DMD: variants seen among roughly 807,000 people sequenced by gnomAD.
DMD encodes the protein dystrophin.
DMD carries 63 observed loss-of-function variants against 330.1 expected under a neutral mutation model. The observed-to-expected ratio is 0.19, with a 90% confidence interval of 0.16 to 0.24. The LOEUF (loss-of-function observed/expected upper bound fraction) is 0.24, where lower values mean the gene tolerates loss of function less well. Ranked by LOEUF, DMD falls within the 10% of genes least tolerant of loss-of-function variation. The probability of loss-of-function intolerance (pLI) is 1.00; values close to 1 mark genes in which losing one functional copy is unlikely to be tolerated. For missense variants in DMD, 3,344 were observed against 2,684.1 expected, an observed-to-expected ratio of 1.25 and a Z score of -5.43; for synonymous variants, 1,223 against 959.8, an observed-to-expected ratio of 1.27 and a Z score of -5.07.
chrX:31,530,687 T>A (rs1465655767), intron 55 of DMD, among the ~76,000 whole-genome samples: 9 of 83,361 alleles, frequency 1.1e-4, no homozygotes, highest in East Asian at 7.8e-4. Flanking sequence ...TTTTTTTTTT[T>A]ATTATACTCT....
At chrX:33,162,756 T>C (rs1004514032) in intron 1 of DMD, among the ~76,000 whole-genome samples, 2 of 109,888 alleles carry the variant, frequency 1.8e-5, no homozygotes, top group African/African-American at 6.7e-5. Flanking sequence ...GTTTTTATGC[T>C]GTTTTTTTTT....
intron 44 of DMD, among the ~76,000 whole-genome samples, chrX:32,142,627 A>G (rs1279568709): frequency 2.7e-5 from 3 of 112,509 alleles, no homozygotes; most frequent in African/African-American, 9.7e-5. Context: ...AAATATCTGT[A>G]CAGTCTTTGA....
intron 7 of DMD, among the ~76,000 whole-genome samples, chrX:32,748,124 C>T (rs930626895): frequency 1.1e-4 from 12 of 110,099 alleles, no homozygotes; most frequent in Admixed American, 4.9e-4. Context: ...AGGCAGATCA[C>T]CTGAGGACAG....
At chrX:32,727,103 G>T (rs1172257360) in intron 7 of DMD, among the ~76,000 whole-genome samples, 2 of 110,830 alleles carry the variant, frequency 1.8e-5, no homozygotes, top group Non-Finnish European at 3.8e-5. Context: ...CAAATTTTAG[G>T]CATGATATCA....
At position 32,762,571 on chromosome X, in the gene DMD, T is replaced by A. The variant is rs957884385; in HGVS notation, c.649+46922A>T. ...GGAGGGCTCATCAGGAGAGCTCTTT[T>A]ACATATGGTAGACTGCAAAGGATTC... On this transcript the variant is annotated intron_variant, in intron 7 of 78. Coordinates refer to ENST00000357033, the MANE Select transcript of DMD (RefSeq NM_004006.3). Among the ~76,000 whole-genome samples the A allele has an allele frequency of 2.7e-5, 3 of 111,697 alleles. No homozygotes were observed. The South Asian group carries it at 1.1e-3, about 42-fold the overall frequency.
chrX:31,729,867 T>C (rs1248856692), intron 51 of DMD, 119 bp from the exon 52 acceptor site: 2 of 584,402 alleles, frequency 3.4e-6, no homozygotes, highest in Non-Finnish European at 5.9e-6. Flanking sequence ...ATAAAAAAGA[T>C]GTTACTGTAT....
At chrX:33,236,184 G>T (rs1013976653) in intron 1 of DMD, among the ~76,000 whole-genome samples, 8 of 108,710 alleles carry the variant, frequency 7.4e-5, no homozygotes, top group Non-Finnish European at 1.5e-4. Context: ...CCAAAGTGCT[G>T]GGATTACAGG....
chrX:32,406,553 G>A (rs192650849), intron 30 of DMD, among the ~76,000 whole-genome samples: 112 of 110,968 alleles, frequency 1.0e-3, no homozygotes, highest in African/African-American at 3.4e-3. Context: ...GCTGGATTAC[G>A]TTTATTGATT....
At chrX:32,642,172 G>A (rs2059509617) in intron 11 of DMD, among the ~76,000 whole-genome samples, 1 of 111,868 alleles carries the variant, frequency 8.9e-6, no homozygotes, top group African/African-American at 3.2e-5. Flanking sequence ...TGGCAAGGAA[G>A]ACTGTTATTT....
rs182697419 is a variant in DMD at position 32,554,110 on chromosome X, C to A, written c.1993-8776G>T. 6.9e-3 allele frequency among the ~76,000 whole-genome samples: 770 copies of A among 112,293 alleles called. 17 individuals carry two copies. The highest frequency in any genetic ancestry group is 0.064 in the Admixed American group (672 of 10,574). ...TAATGAGAACAAAGAGACAATTTAT[C>A]AGAATCTCTGGGACGCAGCTAAAGC... On this transcript the variant is annotated intron_variant, in intron 16 of 78. Coordinates refer to ENST00000357033, the MANE Select transcript of DMD (RefSeq NM_004006.3).
intron 1 of DMD, among the ~76,000 whole-genome samples, chrX:33,146,486 T>C (rs1230723792): frequency 8.9e-6 from 1 of 111,897 alleles, no homozygotes; most frequent in Non-Finnish European, 1.9e-5. Context: ...CATATAATCA[T>C]TATAACAGAG....
intron 50 of DMD, among the ~76,000 whole-genome samples, chrX:31,793,207 G>A (rs1475476607): frequency 9.0e-6 from 1 of 110,742 alleles, no homozygotes; most frequent in Non-Finnish European, 1.9e-5. Context: ...GATGGGGTGG[G>A]GTGGGGCCAT....
intron 1 of DMD, among the ~76,000 whole-genome samples, chrX:33,331,141 T>C (rs1458271351): frequency 2.7e-5 from 3 of 111,859 alleles, no homozygotes; most frequent in African/African-American, 9.7e-5. Context: ...TTTCAGTTGG[T>C]GGGCTCTAAT....
chrX:32,117,951 G>C (rs1191351752), intron 44 of DMD, among the ~76,000 whole-genome samples: 1 of 110,945 alleles, frequency 9.0e-6, no homozygotes, highest in Admixed American at 9.6e-5. Context: ...GAGCAACTGA[G>C]AAGACTATAA....
chrX:31,148,530 C>T (rs980527445), intron 74 of DMD, among the ~76,000 whole-genome samples: 1 of 112,322 alleles, frequency 8.9e-6, no homozygotes, highest in Non-Finnish European at 1.9e-5. Flanking sequence ...TACCTATCTC[C>T]TTGGATACCT....
intron 55 of DMD, among the ~76,000 whole-genome samples, chrX:31,611,924 A>G (rs1017988461): frequency 9.0e-6 from 1 of 111,249 alleles, no homozygotes; most frequent in African/African-American, 3.3e-5. Context: ...GGTACATGAG[A>G]TATTTTGATA....
At chrX:31,732,617 T>A (rs763446778) in intron 51 of DMD, among the ~76,000 whole-genome samples, 1 of 111,067 alleles carries the variant, frequency 9.0e-6, no homozygotes, top group Admixed American at 9.6e-5. Context: ...TCACCTCTAT[T>A]CCTTCGAGCC....
chrX:31,766,975 C>T (rs1280022645), intron 51 of DMD, among the ~76,000 whole-genome samples: 2 of 109,252 alleles, frequency 1.8e-5, no homozygotes, highest in Non-Finnish European at 3.8e-5. Context: ...AAATAAGTCA[C>T]ATTACTGACA....
At chrX:31,484,882 T>C (rs2068671720) in intron 57 of DMD, among the ~76,000 whole-genome samples, 1 of 112,139 alleles carries the variant, frequency 8.9e-6, no homozygotes, top group African/African-American at 3.2e-5. Context: ...AAGGAGCCAA[T>C]AGTTTGGTTG....
Sources: allele counts gnomAD v4.1 joint callset (sites outside exome capture counted in the v4.1 genomes callset), GRCh38; gene constraint gnomAD v4.1.1; transcripts MANE v1.5; gene names NCBI Gene and HGNC (gene_info 2026-07-23, HGNC 2026-07-21).